The following ESR1 variants were observed in gnomAD, a reference collection of about 807,000 sequenced individuals.
ESR1 encodes the protein estrogen receptor 1, also known as estrogen receptor.
ESR1 carries 12 observed loss-of-function variants against 52.7 expected under a neutral mutation model. The observed-to-expected ratio is 0.23, with a 90% CI of 0.15 to 0.37. The LOEUF is 0.37. ESR1 is among the 10% of genes least tolerant of loss of function. The pLI is 1.00. For missense variants in ESR1, 584 were observed against 779.7 expected, an observed-to-expected ratio of 0.75 and a Z score of 2.99; for synonymous variants, 305 against 316.8, an observed-to-expected ratio of 0.96 and a Z score of 0.39.
chr6:152,059,838 T>C (rs921686647), intron 5 of ESR1, among the ~76,000 whole-genome samples: 1 of 152,094 alleles, frequency 6.6e-6, no homozygotes, highest in African/African-American at 2.4e-5. Flanking sequence ...AAAGAAGTGA[T>C]TGAAGAAAGT....
At chr6:152,105,334 T>G (rs1366201044), downstream of ESR1, among the ~76,000 whole-genome samples, 2 of 152,180 alleles carry the variant, frequency 1.3e-5, no homozygotes, top group African/African-American at 4.8e-5. Flanking sequence ...GACTGAGCCC[T>G]TAACCTGTGG....
At chr6:151,969,434 A>AGTGCCCTTTT (rs1269614451) in intron 4 of ESR1, among the ~76,000 whole-genome samples, 2 of 152,188 alleles carry the variant, frequency 1.3e-5, no homozygotes, top group Non-Finnish European at 2.9e-5. Flanking sequence ...ATTGAGATGT[A>AGTGCCCTTTT]GAGCAAGCAA....
chr6:151,855,630 A>G (rs1286234467), intron 2 of ESR1, among the ~76,000 whole-genome samples: 1 of 152,204 alleles, frequency 6.6e-6, no homozygotes, highest in African/African-American at 2.4e-5. Flanking sequence ...AGACCCTGAA[A>G]TCCAGCTAAG....
intron 5 of ESR1, among the ~76,000 whole-genome samples, chr6:152,039,368 G>A (rs9479174): frequency 3.0e-4 from 45 of 152,234 alleles, no homozygotes; most frequent in African/African-American, 1.0e-3. Flanking sequence ...TCATTATGGA[G>A]TAGTAGACTG....
rs71835211 is a variant in ESR1 at position 151,850,073 on chromosome 6, TA to T, written c.643+7292del. On this transcript the variant is annotated intron_variant, in intron 2 of 7. Transcript: ENST00000206249. The stretch of plus-strand genomic sequence containing the variant: ...ATATATATATAATTTTATATATATA[TA>T]AAAAATTATATATATATAATTTTAT... 5.5e-3 allele frequency among the ~76,000 whole-genome samples: 396 copies of T among 72,054 alleles called. 5 individuals carry two copies. Among genetic ancestry groups the T allele is most frequent in the African/African-American group, 0.029 (356 of 12,208 alleles). 47.3% of individuals were successfully genotyped at this position (72,054 alleles called of 152,430 possible). A position where few individuals can be genotyped will look rare whatever the true frequency, so the allele number is the denominator to read the frequency against.
intron 3 of ESR1, among the ~76,000 whole-genome samples, chr6:151,897,371 G>A (rs140378608): frequency 0.02 from 3,049 of 152,186 alleles, 53 homozygotes; most frequent in South Asian, 0.086. Flanking sequence ...CCAGTGTTAG[G>A]TGCATATATA....
chr6:151,969,911 C>CA (rs2038724401), intron 4 of ESR1, among the ~76,000 whole-genome samples: 1 of 150,324 alleles, frequency 6.7e-6, no homozygotes, highest in African/African-American at 2.5e-5. Context: ...TAAAACACAA[C>CA]AAATTTTTTT....
At position 151,842,286 on chromosome 6, in the gene ESR1, A is replaced by G. The variant is rs535364517; in HGVS notation, c.453-311A>G. Among the ~76,000 whole-genome samples the G allele has an allele frequency of 7.9e-5, 12 of 152,268 alleles. No homozygotes were observed. The South Asian group carries it at 8.3e-4, about 11-fold the overall frequency. ...ATTGGTCTCTAATGGTTCTGAAATAATTGTATATTCCTGCAAAAACATTAA... is the reference window on the plus strand; with the variant it reads ...ATTGGTCTCTAATGGTTCTGAAATAGTTGTATATTCCTGCAAAAACATTAA... On this transcript the variant is annotated intron_variant, in intron 1 of 7. Transcript: ENST00000206249.
chr6:151,683,997 C>T (rs1262736780), intron 1 of ESR1, among the ~76,000 whole-genome samples: 1 of 151,832 alleles, frequency 6.6e-6, no homozygotes, highest in Non-Finnish European at 1.5e-5. Context: ...CAGGCGTGAG[C>T]CACCACACCT....
rs182035531 is a variant in ESR1, at chr6:152,039,865, A to T, written c.1236-21126A>T. ...GAACAGGGTAAGACCAGTGAATTCCATGAGCATGAGCCCACTGCTGCACTT... is the reference window on the plus strand; with the variant it reads ...GAACAGGGTAAGACCAGTGAATTCCTTGAGCATGAGCCCACTGCTGCACTT... On this transcript the variant is annotated intron_variant, in intron 5 of 7. Transcript: ENST00000206249. 2.7e-4 allele frequency among the ~76,000 whole-genome samples: 41 copies of T among 152,296 alleles called. No individual in the cohort carries two copies. The East Asian group carries it at 5.4e-3, about 20-fold the overall frequency.
At chr6:151,920,794 C>T (rs2128461440) in intron 3 of ESR1, among the ~76,000 whole-genome samples, 1 of 152,252 alleles carries the variant, frequency 6.6e-6, no homozygotes, top group South Asian at 2.1e-4. Context: ...ATCAATATGA[C>T]TTATCACTGT....
At chr6:152,116,753 ATTTTG>A (rs1562798606) in intron 6 of ESR1, among the ~76,000 whole-genome samples, 1 of 151,440 alleles carries the variant, frequency 6.6e-6, no homozygotes, top group Non-Finnish European at 1.5e-5. Flanking sequence ...TATCTATTTT[ATTTTG>A]TTTTTATATT....
intron 5 of ESR1, among the ~76,000 whole-genome samples, chr6:152,034,303 A>AAGTAAATAAATAAATAAATAAAT: frequency 1.3e-5 from 2 of 152,064 alleles, no homozygotes; most frequent in East Asian, 3.9e-4. Flanking sequence ...ATAAATAAAT[A>AAGTAAATAAATAAATAAATAAAT]AATAAATAAA....
chr6:151,986,091 G>A (rs2040458859), intron 4 of ESR1, among the ~76,000 whole-genome samples: 1 of 152,054 alleles, frequency 6.6e-6, no homozygotes, highest in African/African-American at 2.4e-5. Flanking sequence ...GTGTGGTCTG[G>A]GTGAGCGGCT....
intron 4 of ESR1, among the ~76,000 whole-genome samples, chr6:152,007,062 A>G (rs1474232215): frequency 6.6e-6 from 1 of 152,036 alleles, no homozygotes; most frequent in Non-Finnish European, 1.5e-5. Flanking sequence ...GTAGTGTGGA[A>G]CTTTACAAGG....
rs146182133 is a variant in ESR1, at chr6:152,095,645, G to A, written c.1553+1077G>A. On this transcript the variant is annotated intron_variant, in intron 7 of 7. Transcript: ENST00000206249. The stretch of plus-strand genomic sequence containing the variant: ...TGTGGGGTGTCCAGAGTCAAAGAGG[G>A]ACATGTTGCCGGGGTCATGACTATT... 2.7e-3 allele frequency among the ~76,000 whole-genome samples: 413 copies of A among 152,290 alleles called. 1 individual carries two copies. The highest frequency in any genetic ancestry group is 4.4e-3 in the Non-Finnish European group (300 of 68,022).
intron 3 of ESR1, among the ~76,000 whole-genome samples, chr6:151,902,077 A>G (rs559375692): frequency 2.4e-4 from 36 of 152,340 alleles, no homozygotes; most frequent in Middle Eastern, 3.4e-3. Flanking sequence ...GGCCTAAATC[A>G]TTTACAGATA....
intron 2 of ESR1, among the ~76,000 whole-genome samples, chr6:151,777,944 G>A (rs1786171890): frequency 1.3e-5 from 2 of 152,024 alleles, no homozygotes; most frequent in Non-Finnish European, 2.9e-5. Context: ...TGGGGAACAA[G>A]AGCGAAACTC....
chr6:151,972,601 A>T (rs9397460), intron 4 of ESR1, among the ~76,000 whole-genome samples: 7,419 of 152,278 alleles, frequency 0.049, 473 homozygotes, highest in African/African-American at 0.14. Flanking sequence ...AAAACCTAGC[A>T]TCCAATTATG....
Sources: gnomAD v4.1 joint callset for allele counts (sites outside exome capture counted in the v4.1 genomes callset) on GRCh38, gnomAD v4.1.1 for gene constraint, MANE v1.5 for transcripts, NCBI Gene and HGNC (gene_info 2026-07-23, HGNC 2026-07-21) for gene names.